Variants in ARSB observed in about 807,000 individuals in gnomAD.
The protein encoded by ARSB is arylsulfatase B.
Under a neutral mutation model 50.9 loss-of-function variants are expected in ARSB, and 41 were observed. The ratio of observed to expected loss-of-function variants is 0.81; its 90% CI spans 0.63 to 1.04. The LOEUF (loss-of-function observed/expected upper bound fraction) is 1.04, where lower values mean the gene tolerates loss of function less well. ARSB is among the 50% of genes least tolerant of loss of function. The pLI is 0.00. For missense variants in ARSB, 672 were observed against 693.3 expected (o/e 0.97, Z 0.35); for synonymous variants, 269 against 284.8 (o/e 0.94, Z 0.56).
At chr5:78,819,983 T>C (rs2112672989) in intron 6 of ARSB, among the ~76,000 whole-genome samples, 1 of 152,356 alleles carries the variant, frequency 6.6e-6, no homozygotes, top group Admixed American at 6.5e-5. Context: ...GTGGGGCCAT[T>C]GGGAAGTGAT....
intron 4 of ARSB, among the ~76,000 whole-genome samples, chr5:78,925,647 A>C (rs1402128381): frequency 6.6e-6 from 1 of 152,240 alleles, no homozygotes; most frequent in African/African-American, 2.4e-5. Context: ...ACTTTTCAGA[A>C]CAGTATGTTC....
intron 6 of ARSB, among the ~76,000 whole-genome samples, chr5:78,830,353 T>C (rs1044481246): frequency 6.6e-6 from 1 of 152,180 alleles, no homozygotes; most frequent in Non-Finnish European, 1.5e-5. Context: ...TAACTCCAGA[T>C]GCAGGGCCAG....
chr5:78,827,302 C>T (rs192038421), intron 6 of ARSB, among the ~76,000 whole-genome samples: 613 of 152,202 alleles, frequency 4.0e-3, no homozygotes, highest in African/African-American at 0.014. Flanking sequence ...TCTGCCTCCC[C>T]GGTTCAAGCA....
intron 5 of ARSB, among the ~76,000 whole-genome samples, chr5:78,871,320 A>C (rs1317218999): frequency 6.6e-6 from 1 of 152,186 alleles, no homozygotes; most frequent in Non-Finnish European, 1.5e-5. Context: ...AACTACTTTC[A>C]AGTTCATATG....
chr5:78,930,463 T>C (rs1449558784), intron 4 of ARSB, among the ~76,000 whole-genome samples: 2 of 152,230 alleles, frequency 1.3e-5, no homozygotes, highest in African/African-American at 4.8e-5. Flanking sequence ...AAAGATCCTT[T>C]TCTTTGAATA....
At chr5:78,886,768 TA>T (rs149134265) in intron 4 of ARSB, among the ~76,000 whole-genome samples, 8,011 of 149,048 alleles carry the variant, frequency 0.054, 664 homozygotes, top group African/African-American at 0.18. Context: ...CATTAAACTT[TA>T]AAAAAAAAAC....
chr5:78,912,295 G>A (rs918493209), intron 4 of ARSB, among the ~76,000 whole-genome samples: 2 of 152,196 alleles, frequency 1.3e-5, no homozygotes, highest in African/African-American at 4.8e-5. Context: ...CTCTTCTCCA[G>A]CAAGCTGTTT....
chr5:78,942,903 G>T (rs1390802509), intron 4 of ARSB, among the ~76,000 whole-genome samples: 1 of 152,178 alleles, frequency 6.6e-6, no homozygotes, highest in Non-Finnish European at 1.5e-5. Context: ...CATTATTATT[G>T]TGTGGGAGTC....
intron 1 of ARSB, among the ~76,000 whole-genome samples, chr5:78,984,472 G>A (rs1396174455): frequency 6.6e-6 from 1 of 152,132 alleles, no homozygotes; most frequent in Non-Finnish European, 1.5e-5. Context: ...ATAATCTTTG[G>A]TGGGACACTC....
chr5:78,831,601 C>G (rs1744688300), intron 6 of ARSB, among the ~76,000 whole-genome samples: 1 of 152,148 alleles, frequency 6.6e-6, no homozygotes, highest in African/African-American at 2.4e-5. Context: ...GCGATGAGAC[C>G]TGCGAAATCA....
chr5:78,926,919 T>A (rs753264480), intron 4 of ARSB, among the ~76,000 whole-genome samples: 20 of 152,378 alleles, frequency 1.3e-4, no homozygotes, highest in Non-Finnish European at 2.8e-4. Flanking sequence ...TTTTGCTCTG[T>A]TGCCCAGGCT....
At chr5:78,954,068 C>G (rs578064648) in intron 4 of ARSB, among the ~76,000 whole-genome samples, 2 of 151,194 alleles carry the variant, frequency 1.3e-5, no homozygotes, top group African/African-American at 4.9e-5. Context: ...TAAGATTTCC[C>G]AAATACTAGA....
At chr5:78,936,190 T>C (rs1206687761) in intron 4 of ARSB, among the ~76,000 whole-genome samples, 1 of 144,792 alleles carries the variant, frequency 6.9e-6, no homozygotes, top group African/African-American at 2.6e-5. Flanking sequence ...AGTGGCGCTA[T>C]CTCAGCTCAC....
chr5:78,849,362 G>T (rs892513173), intron 5 of ARSB, among the ~76,000 whole-genome samples: 1 of 152,138 alleles, frequency 6.6e-6, no homozygotes, highest in Non-Finnish European at 1.5e-5. Flanking sequence ...GTTTGTCAAA[G>T]ATCAGATAGT....
At chr5:78,860,323 T>C (rs189491769) in intron 5 of ARSB, among the ~76,000 whole-genome samples, 20 of 152,262 alleles carry the variant, frequency 1.3e-4, no homozygotes, top group Non-Finnish European at 2.5e-4. Flanking sequence ...TGGGTGCATA[T>C]ATATTTAGGA....
At chr5:78,867,705 G>A (rs368877210) in intron 5 of ARSB, among the ~76,000 whole-genome samples, 11 of 152,094 alleles carry the variant, frequency 7.2e-5, no homozygotes, top group South Asian at 6.2e-4. Context: ...AACCACAAAG[G>A]TGGGGAAAAA....
chr5:78,831,349 C>G (rs191079643), intron 6 of ARSB, among the ~76,000 whole-genome samples: 35 of 152,098 alleles, frequency 2.3e-4, no homozygotes, highest in African/African-American at 8.0e-4. Context: ...CCCCCAGCAC[C>G]CTCCAGTGGA....
chr5:78,985,154 A>G lies in ARSB; in HGVS notation c.95T>C (p.Leu32Ser). The G allele has an allele frequency of 2.1e-6, 3 of 1,455,142 alleles. No individual in the cohort carries two copies. The highest frequency in any genetic ancestry group is 2.7e-6 in the Non-Finnish European group (3 of 1,102,560). 90.1% of individuals were successfully genotyped at this position (1,455,142 alleles called of 1,614,324 possible). A position where few individuals can be genotyped will look rare whatever the true frequency, so the allele number is the denominator to read the frequency against. ...CCCGGCGCCCGAGCCCGGCGGCGCC[A>G]ACAACAGCAGCAGCAGCAGCGGGAG... ...VVLPLLLLLL[L>S]APPGSGAGAS... Residue 32 changes from leucine to serine, a missense_variant, in exon 1 of 8, where the codon TTG (leucine) becomes TCG (serine). Transcript: ENST00000264914.
intron 1 of ARSB, among the ~76,000 whole-genome samples, chr5:78,979,590 A>C (rs1426496058): frequency 6.6e-6 from 1 of 152,176 alleles, no homozygotes; most frequent in South Asian, 2.1e-4. Context: ...TCAAACGGGC[A>C]ATGAGGGAAG....
Sources: allele counts gnomAD v4.1 joint callset (sites outside exome capture counted in the v4.1 genomes callset), GRCh38; gene constraint gnomAD v4.1.1; transcripts MANE v1.5; gene names NCBI Gene and HGNC (gene_info 2026-07-23, HGNC 2026-07-21).